Variants in TRMT11 observed in about 807,000 individuals in gnomAD.
The protein encoded by TRMT11 is tRNA methyltransferase 11.
Under a neutral mutation model 62.8 loss-of-function variants are expected in TRMT11, and 53 were observed. The observed-to-expected ratio is 0.84, with a 90% CI of 0.68 to 1.06. The LOEUF (loss-of-function observed/expected upper bound fraction) is 1.06, where lower values mean the gene tolerates loss of function less well. Among genes scored for constraint, TRMT11 ranks in the 50% least tolerant of loss-of-function variants. The pLI, the probability that TRMT11 is intolerant of heterozygous loss-of-function variation, is 0.00. For synonymous variants in TRMT11, 188 were observed against 190.3 expected, an observed-to-expected ratio of 0.99 and a Z score of 0.10; for missense variants, 556 against 553.4, an observed-to-expected ratio of 1.00 and a Z score of -0.05.
chr6:126,073,573 T>C (rs1776923778), intron 17 of TRMT11, among the ~76,000 whole-genome samples: 2 of 152,090 alleles, frequency 1.3e-5, no homozygotes, highest in Admixed American at 1.3e-4. Context: ...TTTGGAATAG[T>C]TACTTACCTA....
intron 8 of TRMT11, among the ~76,000 whole-genome samples, chr6:126,010,328 G>T (rs538037842): frequency 6.6e-6 from 1 of 152,070 alleles, no homozygotes; most frequent in East Asian, 1.9e-4. Context: ...CAGTCTACTT[G>T]ATGCCCTGCA....
At chr6:126,241,345 A>C in the TRMT11 span, among the ~76,000 whole-genome samples, 9 of 152,198 alleles carry the variant, frequency 5.9e-5, no homozygotes, top group Non-Finnish European at 1.3e-4. Context: ...ACCGCCTCAC[A>C]GCCGAATTCT....
chr6:126,258,262 G>A, the TRMT11 span: 1 of 551,096 alleles, frequency 1.8e-6, no homozygotes, highest in Admixed American at 2.1e-5. Flanking sequence ...CTGCGGCCCT[G>A]GGGGGTGGGC....
At chr6:126,097,157 G>A (rs989571532) in intron 17 of TRMT11, among the ~76,000 whole-genome samples, 22 of 152,156 alleles carry the variant, frequency 1.4e-4, no homozygotes, top group African/African-American at 5.3e-4. Flanking sequence ...AAATAGAGGA[G>A]TTTTCTGATA....
intron 17 of TRMT11, among the ~76,000 whole-genome samples, chr6:126,106,374 G>A (rs759863212): frequency 6.6e-6 from 1 of 151,962 alleles, no homozygotes; most frequent in Non-Finnish European, 1.5e-5. Context: ...CGAACTCCTG[G>A]CCTCAAGTGA....
intron 21 of TRMT11, among the ~76,000 whole-genome samples, chr6:126,158,664 C>T (rs1778149588): frequency 6.6e-6 from 1 of 152,126 alleles, no homozygotes; most frequent in South Asian, 2.1e-4. Context: ...ATTCTAAATG[C>T]CTTTTACTTA....
chr6:126,045,122 A>T (rs911689931), intron 16 of TRMT11, among the ~76,000 whole-genome samples: 6 of 151,740 alleles, frequency 4.0e-5, no homozygotes, highest in Admixed American at 2.6e-4. Context: ...TGGGAGGTGG[A>T]GATTGCAGTG....
At chr6:126,243,061 C>G in the TRMT11 span, among the ~76,000 whole-genome samples, 2 of 150,504 alleles carry the variant, frequency 1.3e-5, no homozygotes, top group Admixed American at 6.6e-5. Flanking sequence ...TATCCAGAAT[C>G]TACAAAGAAC....
At chr6:126,056,135 C>T (rs1033623698) in intron 17 of TRMT11, among the ~76,000 whole-genome samples, 2 of 152,128 alleles carry the variant, frequency 1.3e-5, no homozygotes, top group African/African-American at 2.4e-5. Context: ...TGTCTTATTT[C>T]GCACTGTTAA....
intron 21 of TRMT11, among the ~76,000 whole-genome samples, chr6:126,140,589 A>G (rs928682794): frequency 1.3e-5 from 2 of 152,048 alleles, no homozygotes; most frequent in African/African-American, 4.8e-5. Flanking sequence ...GCTGATTTTG[A>G]TGATTTTTCT....
intron 17 of TRMT11, among the ~76,000 whole-genome samples, chr6:126,104,481 G>A (rs933070426): frequency 5.3e-5 from 8 of 152,274 alleles, no homozygotes; most frequent in African/African-American, 1.9e-4. Context: ...AAGAATGGAT[G>A]GACCAACATA....
At chr6:126,067,049 G>A (rs1009775954) in intron 17 of TRMT11, among the ~76,000 whole-genome samples, 2 of 152,030 alleles carry the variant, frequency 1.3e-5, no homozygotes. Flanking sequence ...CCAACATGGT[G>A]AAACCCTGTC....
the TRMT11 span, among the ~76,000 whole-genome samples, chr6:126,219,119 C>T: frequency 1.8e-4 from 28 of 152,168 alleles, no homozygotes; most frequent in Non-Finnish European, 3.7e-4. Flanking sequence ...GTCATTCCTA[C>T]CCTGTTCAGT....
chr6:126,003,766 G>T (rs1489815302), intron 7 of TRMT11, among the ~76,000 whole-genome samples: 2 of 151,918 alleles, frequency 1.3e-5, no homozygotes, highest in Non-Finnish European at 2.9e-5. Flanking sequence ...GTAAGCTTGA[G>T]ATACAACCTC....
the TRMT11 span, among the ~76,000 whole-genome samples, chr6:126,223,237 C>T: frequency 0.027 from 4,086 of 152,014 alleles, 165 homozygotes; most frequent in African/African-American, 0.092. Context: ...TTGGCTAACA[C>T]GGTGAAACCT....
chr6:126,151,859 T>TTTCTTTCTTTCTTTCTTTCC lies in TRMT11; in HGVS notation c.*1824-22959_*1824-22958insTTTCTTTCTTTCCTTCTTTC, dbSNP rs1778053667. ...CTTTCTTTCTTTCTTTCTTTCTTTC[T>TTTCTTTCTTTCTTTCTTTCC]TTCTTTCCTTCTTTCTCCTTCCTTC... On this transcript the variant is annotated intron_variant and NMD_transcript_variant, in intron 21 of 22. Transcript: ENST00000648977. 1.5e-5 allele frequency among the ~76,000 whole-genome samples: 2 copies of TTTCTTTCTTTCTTTCTTTCC among 132,438 alleles called. 1 individual carries two copies. Among genetic ancestry groups the TTTCTTTCTTTCTTTCTTTCC allele is most frequent in the Non-Finnish European group, 3.2e-5 (2 of 62,532 alleles). The allele number at this position is 132,438 out of a possible 152,430, so 86.9% of individuals were successfully genotyped here. A position where few individuals can be genotyped will look rare whatever the true frequency, so the allele number is the denominator to read the frequency against.
At chr6:126,036,176 A>G (rs576857148) in intron 12 of TRMT11, among the ~76,000 whole-genome samples, 72 of 152,230 alleles carry the variant, frequency 4.7e-4, no homozygotes, top group African/African-American at 1.6e-3. Flanking sequence ...GAGCTAGAAT[A>G]CCTGACTGCA....
chr6:126,151,944 T>TTTCTTTCTTTCTTTCTTTC (rs368793532), intron 21 of TRMT11, among the ~76,000 whole-genome samples: 2 of 10,762 alleles, frequency 1.9e-4, no homozygotes, highest in East Asian at 2.5e-3. Context: ...TCTTTCTTTC[T>TTTCTTTCTTTCTTTCTTTC]TTTCTTTCTT....
chr6:126,180,141 T>C (rs1425463688), intron 1 of TRMT11, among the ~76,000 whole-genome samples: 2 of 152,312 alleles, frequency 1.3e-5, no homozygotes, highest in East Asian at 1.9e-4. Context: ...CTTCAATCAT[T>C]GTATTTTTTG....
Sources: allele counts gnomAD v4.1 joint callset (sites outside exome capture counted in the v4.1 genomes callset), GRCh38; gene constraint gnomAD v4.1.1; transcripts MANE v1.5; gene names NCBI Gene and HGNC (gene_info 2026-07-23, HGNC 2026-07-21).